SLC25A26: variants seen among roughly 807,000 people sequenced by gnomAD.
The protein encoded by SLC25A26 is solute carrier family 25 member 26.
SLC25A26 carries 36 observed loss-of-function variants against 37.8 expected under a neutral mutation model. That is an observed-to-expected ratio of 0.95 (90% CI 0.73 to 1.26). SLC25A26 has a LOEUF of 1.26. Ranked by LOEUF, SLC25A26 falls within the 50% of genes most tolerant of loss-of-function variation. SLC25A26 has a pLI of 0.00. For synonymous variants in SLC25A26, 129 were observed against 122.5 expected (o/e 1.05, Z -0.35); for missense variants, 390 against 331.1 (o/e 1.18, Z -1.38).
chr3:66,356,337 C>G (rs993510509), intron 6 of SLC25A26, among the ~76,000 whole-genome samples: 10 of 152,140 alleles, frequency 6.6e-5, no homozygotes, highest in Non-Finnish European at 2.9e-5. Flanking sequence ...GGGAGCCAAA[C>G]TACTTCATGC....
At chr3:66,200,757 C>G (rs908195933) in intron 1 of SLC25A26, among the ~76,000 whole-genome samples, 14 of 152,262 alleles carry the variant, frequency 9.2e-5, no homozygotes, top group African/African-American at 3.4e-4. Context: ...AGTTATGTAT[C>G]TTATAAAATA....
intron 1 of SLC25A26, among the ~76,000 whole-genome samples, chr3:66,135,749 A>C (rs1479584062): frequency 6.6e-6 from 1 of 152,194 alleles, no homozygotes; most frequent in Non-Finnish European, 1.5e-5. Flanking sequence ...AGCCTGGGTA[A>C]CAGAGCAAAA....
At chr3:66,279,559 C>G (rs2074268597) in intron 5 of SLC25A26, among the ~76,000 whole-genome samples, 1 of 152,080 alleles carries the variant, frequency 6.6e-6, no homozygotes, top group Non-Finnish European at 1.5e-5. Flanking sequence ...TCTCTAGTGC[C>G]TATTATTTTA....
At chr3:66,246,244 A>T (rs1032888359) in intron 3 of SLC25A26, among the ~76,000 whole-genome samples, 13 of 152,324 alleles carry the variant, frequency 8.5e-5, no homozygotes, top group African/African-American at 3.1e-4. Flanking sequence ...ATTTGTTGGT[A>T]CATTGTTGAG....
chr3:66,329,914 A>G (rs1220619394), intron 5 of SLC25A26, among the ~76,000 whole-genome samples: 3 of 152,184 alleles, frequency 2.0e-5, no homozygotes, highest in Non-Finnish European at 4.4e-5. Flanking sequence ...TTTAAAAGCT[A>G]TGGTATTGAT....
At chr3:66,274,011 T>C (rs998513859) in intron 5 of SLC25A26, among the ~76,000 whole-genome samples, 51 of 152,254 alleles carry the variant, frequency 3.3e-4, no homozygotes, top group African/African-American at 1.2e-3. Context: ...ACTACAAGGC[T>C]TCAGTAACCA....
chr3:66,305,956 C>T (rs2075208344), intron 5 of SLC25A26, among the ~76,000 whole-genome samples: 1 of 152,104 alleles, frequency 6.6e-6, no homozygotes, highest in Admixed American at 6.6e-5. Flanking sequence ...TCAACCTCGC[C>T]AGCATCTATT....
chr3:66,267,182 G>A (rs181044227), intron 5 of SLC25A26, among the ~76,000 whole-genome samples: 6 of 150,774 alleles, frequency 4.0e-5, no homozygotes, highest in Admixed American at 2.6e-4. Context: ...GGTTACAGAC[G>A]AAGCAATGCT....
At chr3:66,310,870 C>T (rs984097443) in intron 5 of SLC25A26, among the ~76,000 whole-genome samples, 1 of 152,158 alleles carries the variant, frequency 6.6e-6, no homozygotes, top group African/African-American at 2.4e-5. Context: ...TGCTGTTAGT[C>T]TGATGGGCTT....
chr3:66,265,317 A>T (rs1489925482), intron 5 of SLC25A26, among the ~76,000 whole-genome samples: 1 of 152,222 alleles, frequency 6.6e-6, no homozygotes, highest in African/African-American at 2.4e-5. Flanking sequence ...AAAAGAAAAA[A>T]AATAAAAATA....
chr3:66,234,063 G>A (rs999281603), intron 1 of SLC25A26, among the ~76,000 whole-genome samples: 1 of 150,660 alleles, frequency 6.6e-6, no homozygotes, highest in African/African-American at 2.4e-5. Flanking sequence ...GAGAAAACGA[G>A]GAGGCATGCA....
chr3:66,160,460 C>T (rs2070342403), intron 1 of SLC25A26, among the ~76,000 whole-genome samples: 1 of 152,202 alleles, frequency 6.6e-6, no homozygotes, highest in Non-Finnish European at 1.5e-5. Flanking sequence ...AAATAAAGTT[C>T]TGCTCAAGGA....
chr3:66,358,727 A>G lies in SLC25A26; in HGVS notation c.499-4133A>G, dbSNP rs557021878. ...GGCTAGTCTCAAACTCTTGGCCTCAAGTGATCCTCCCATCCGGGCCTCCCA... is the reference window on the plus strand; with the variant it reads ...GGCTAGTCTCAAACTCTTGGCCTCAGGTGATCCTCCCATCCGGGCCTCCCA... On this transcript the variant is annotated intron_variant, in intron 6 of 9. Transcript: ENST00000354883. Among the ~76,000 whole-genome samples, 4 of 152,312 alleles carry G rather than the reference A, an allele frequency of 2.6e-5. No individual in the cohort carries two copies. The East Asian group carries it at 7.7e-4, about 29-fold the overall frequency.
At chr3:66,277,689 A>G (rs1236603745) in intron 5 of SLC25A26, among the ~76,000 whole-genome samples, 2 of 152,140 alleles carry the variant, frequency 1.3e-5, no homozygotes, top group Non-Finnish European at 2.9e-5. Flanking sequence ...TCACTTACAA[A>G]GGGGAAAATA....
chr3:66,298,127 T>C (rs2074964574), intron 5 of SLC25A26, among the ~76,000 whole-genome samples: 9 of 152,220 alleles, frequency 5.9e-5, no homozygotes. Flanking sequence ...CCAGAATTTG[T>C]GTTATACACC....
intron 1 of SLC25A26, among the ~76,000 whole-genome samples, chr3:66,211,997 A>G (rs2071290295): frequency 6.6e-6 from 1 of 152,218 alleles, no homozygotes; most frequent in Non-Finnish European, 1.5e-5. Context: ...CTGTGATTTC[A>G]GTTACCGAGT....
chr3:66,369,853 A>G (rs577666966), intron 8 of SLC25A26, among the ~76,000 whole-genome samples: 1 of 152,218 alleles, frequency 6.6e-6, no homozygotes, highest in Non-Finnish European at 1.5e-5. Context: ...GCCTCCTGCT[A>G]TGTGGCAGGT....
chr3:66,353,655 C>A (rs573899125), intron 6 of SLC25A26, among the ~76,000 whole-genome samples: 32 of 152,320 alleles, frequency 2.1e-4, no homozygotes, highest in African/African-American at 7.0e-4. Flanking sequence ...TGACATGTAG[C>A]TTAGGAAAGC....
chr3:66,276,888 T>C (rs985211404), intron 5 of SLC25A26, among the ~76,000 whole-genome samples: 3 of 150,212 alleles, frequency 2.0e-5, no homozygotes, highest in African/African-American at 7.4e-5. Context: ...GGGCGCACAA[T>C]GCCTGTATTT....
Sources: gnomAD v4.1 joint callset for allele counts (sites outside exome capture counted in the v4.1 genomes callset) on GRCh38, gnomAD v4.1.1 for gene constraint, MANE v1.5 for transcripts, NCBI Gene and HGNC (gene_info 2026-07-23, HGNC 2026-07-21) for gene names.